The following FRMD4A variants were observed in gnomAD, a reference collection of about 807,000 sequenced individuals.
FRMD4A encodes FERM domain-containing protein 4A.
A neutral mutation model predicts 129.1 loss-of-function variants in FRMD4A; 29 were observed. The ratio of observed to expected loss-of-function variants is 0.22; its 90% confidence interval spans 0.17 to 0.31. The LOEUF (loss-of-function observed/expected upper bound fraction) is 0.31, where lower values mean the gene tolerates loss of function less well. Ranked by LOEUF, FRMD4A falls within the 10% of genes least tolerant of loss-of-function variation. The pLI is 1.00. For missense variants in FRMD4A, 1,272 were observed against 1,375.8 expected, an observed-to-expected ratio of 0.92 and a Z score of 1.19; for synonymous variants, 634 against 571.6, an observed-to-expected ratio of 1.11 and a Z score of -1.56.
intron 2 of FRMD4A, among the ~76,000 whole-genome samples, chr10:13,949,964 C>T (rs2095360505): frequency 6.6e-6 from 1 of 152,242 alleles, no homozygotes; most frequent in African/African-American, 2.4e-5. Flanking sequence ...TTTTCCATGT[C>T]ATCAAGAATC....
intron 6 of FRMD4A, among the ~76,000 whole-genome samples, chr10:13,778,377 G>A (rs2092652111): frequency 2.0e-5 from 3 of 151,654 alleles, no homozygotes; most frequent in Non-Finnish European, 2.9e-5. Context: ...CCTCCATTCG[G>A]CAAAACCCCA....
chr10:14,128,045 CCTCTTTCTTTCTTTCT>C (rs1839005278), intron 2 of FRMD4A, among the ~76,000 whole-genome samples: 1 of 75,512 alleles, frequency 1.3e-5, no homozygotes, highest in Non-Finnish European at 2.6e-5. Context: ...CCTTTCTTTC[CCTCTTTCTTTCTTTCT>C]TTCTTTCTTT....
chr10:14,056,652 G>A (rs1035640701), intron 2 of FRMD4A, among the ~76,000 whole-genome samples: 1 of 152,092 alleles, frequency 6.6e-6, no homozygotes, highest in Non-Finnish European at 1.5e-5. Context: ...GGCCTCTGTG[G>A]TGTGCATGGT....
intron 2 of FRMD4A, among the ~76,000 whole-genome samples, chr10:14,270,514 A>G (rs547542075): frequency 1.3e-5 from 2 of 152,160 alleles, no homozygotes; most frequent in Non-Finnish European, 2.9e-5. Flanking sequence ...CTCTGCAGAG[A>G]GCCATCTGGA....
chr10:14,109,978 C>A (rs151304193), intron 2 of FRMD4A, among the ~76,000 whole-genome samples: 138 of 147,330 alleles, frequency 9.4e-4, no homozygotes, highest in Non-Finnish European at 1.6e-3. Context: ...CTCCCTCCCC[C>A]AAACCCACCA....
intron 2 of FRMD4A, among the ~76,000 whole-genome samples, chr10:14,175,046 G>C (rs1366780813): frequency 1.3e-5 from 2 of 152,126 alleles, no homozygotes; most frequent in Non-Finnish European, 2.9e-5. Flanking sequence ...CTAGGTCAGA[G>C]CATAATGCAG....
At chr10:13,786,013 G>A (rs2092850037) in intron 5 of FRMD4A, among the ~76,000 whole-genome samples, 1 of 152,172 alleles carries the variant, frequency 6.6e-6, no homozygotes, top group South Asian at 2.1e-4. Flanking sequence ...TCTTAATCCA[G>A]TCTACCACTG....
intron 15 of FRMD4A, among the ~76,000 whole-genome samples, chr10:13,681,890 A>G (rs1363337851): frequency 2.0e-5 from 3 of 152,142 alleles, no homozygotes. Flanking sequence ...AGGTGAGAAT[A>G]TATTAAGTGT....
intron 2 of FRMD4A, among the ~76,000 whole-genome samples, chr10:14,157,670 C>T (rs1589096664): frequency 6.6e-6 from 1 of 152,320 alleles, no homozygotes; most frequent in South Asian, 2.1e-4. Context: ...ATCTTGCACT[C>T]ACACATCTGT....
intron 13 of FRMD4A, among the ~76,000 whole-genome samples, chr10:13,704,596 T>G (rs1469755015): frequency 6.6e-6 from 1 of 152,194 alleles, no homozygotes; most frequent in Non-Finnish European, 1.5e-5. Context: ...GCCAGGCCTC[T>G]GGTGACCCTG....
intron 2 of FRMD4A, among the ~76,000 whole-genome samples, chr10:14,157,112 C>T (rs1228727909): frequency 6.6e-6 from 1 of 152,206 alleles, no homozygotes; most frequent in East Asian, 1.9e-4. Flanking sequence ...TAGCCTGAAT[C>T]TAAAACTAAG....
chr10:13,974,590 A>G (rs1252204514), intron 2 of FRMD4A, among the ~76,000 whole-genome samples: 1 of 152,118 alleles, frequency 6.6e-6, no homozygotes, highest in African/African-American at 2.4e-5. Flanking sequence ...GCAATGATGC[A>G]ATCTCAGCTC....
chr10:14,181,309 G>C (rs910591047), intron 2 of FRMD4A, among the ~76,000 whole-genome samples: 1 of 151,886 alleles, frequency 6.6e-6, no homozygotes, highest in Non-Finnish European at 1.5e-5. Context: ...TTTCCTTAAG[G>C]TTTGTGGTTT....
At chr10:14,022,631 G>A (rs756685007) in intron 2 of FRMD4A, among the ~76,000 whole-genome samples, 1 of 152,144 alleles carries the variant, frequency 6.6e-6, no homozygotes, top group Non-Finnish European at 1.5e-5. Context: ...GGGGAGGTTG[G>A]GCTAGAGATG....
chr10:14,105,936 AG>A (rs1837564623), intron 2 of FRMD4A, among the ~76,000 whole-genome samples: 1 of 152,212 alleles, frequency 6.6e-6, no homozygotes, highest in African/African-American at 2.4e-5. Flanking sequence ...CCTTCCACCC[AG>A]GGTTATATAT....
chr10:14,184,492 A>T (rs913834708), intron 2 of FRMD4A, among the ~76,000 whole-genome samples: 3 of 84,486 alleles, frequency 3.6e-5, no homozygotes, highest in Non-Finnish European at 8.5e-5. Flanking sequence ...CTATTATGTT[A>T]AAAAAAATGG....
chr10:14,126,890 A>T (rs1838873119), intron 2 of FRMD4A, among the ~76,000 whole-genome samples: 2 of 152,208 alleles, frequency 1.3e-5, no homozygotes, highest in Admixed American at 1.3e-4. Flanking sequence ...GCAATATGGC[A>T]TGTTTATTGT....
intron 8 of FRMD4A, among the ~76,000 whole-genome samples, chr10:13,757,620 G>A (rs1049803143): frequency 2.0e-5 from 3 of 152,244 alleles, no homozygotes; most frequent in African/African-American, 7.2e-5. Flanking sequence ...CATCTGCTGA[G>A]CAAAACAGAG....
intron 2 of FRMD4A, among the ~76,000 whole-genome samples, chr10:14,271,305 ACCC>A (rs1287046231): frequency 6.6e-6 from 1 of 152,244 alleles, no homozygotes; most frequent in African/African-American, 2.4e-5. Context: ...AAAATTATTT[ACCC>A]CATTATTCCA....
Sources: gnomAD v4.1 joint callset for allele counts (sites outside exome capture counted in the v4.1 genomes callset) on GRCh38, gnomAD v4.1.1 for gene constraint, MANE v1.5 for transcripts, NCBI Gene and HGNC (gene_info 2026-07-23, HGNC 2026-07-21) for gene names.